DRC8: variants seen among roughly 807,000 people sequenced by gnomAD.
The protein encoded by DRC8 is dynein regulatory complex subunit 8.
At chr1:245,098,796 G>A in the DRC8 span, among the ~76,000 whole-genome samples, 923 of 152,288 alleles carry the variant, frequency 6.1e-3, 6 homozygotes, top group African/African-American at 0.021. Context: ...TAGGGAGGCC[G>A]GGGGTCAAGG....
chr1:245,055,296 T>G, the DRC8 span, among the ~76,000 whole-genome samples: 1 of 152,140 alleles, frequency 6.6e-6, no homozygotes, highest in African/African-American at 2.4e-5. Flanking sequence ...TTTTTAAAAA[T>G]TTATTTTTAT....
chr1:245,086,957 C>A, the DRC8 span: 2 of 527,532 alleles, frequency 3.8e-6, no homozygotes, highest in Admixed American at 2.5e-5. Context: ...TAACCTTGTT[C>A]ATGATGTCTG....
At chr1:245,103,470 G>C in the DRC8 span, among the ~76,000 whole-genome samples, 15 of 978 alleles carry the variant, frequency 0.015, no homozygotes, top group African/African-American at 0.027. Flanking sequence ...GGGGACCAGA[G>C]AGGCCAAGCA....
chr1:245,002,039 A>G, the DRC8 span: 2 of 1,142,054 alleles, frequency 1.8e-6, no homozygotes, highest in Non-Finnish European at 2.6e-6. Context: ...ACCAGGGATG[A>G]TTTATTTTTT....
At chr1:245,116,100 C>T in the DRC8 span, among the ~76,000 whole-genome samples, 2 of 151,956 alleles carry the variant, frequency 1.3e-5, no homozygotes, top group African/African-American at 2.4e-5. Context: ...GTTGGCCAGG[C>T]TGGTCTCGAA....
At chr1:245,017,295 G>C in the DRC8 span, 1 of 1,609,192 alleles carries the variant, frequency 6.2e-7, no homozygotes, top group African/African-American at 1.3e-5. Context: ...TGAAGTCTTT[G>C]ACCATGAGTC....
the DRC8 span, among the ~76,000 whole-genome samples, chr1:245,032,154 G>A: frequency 2.6e-5 from 4 of 152,114 alleles, no homozygotes; most frequent in Admixed American, 6.5e-5. Flanking sequence ...GAGAGGCAGG[G>A]GTGAGAAAGA....
chr1:245,054,761 C>T, the DRC8 span, among the ~76,000 whole-genome samples: 1 of 152,220 alleles, frequency 6.6e-6, no homozygotes, highest in Non-Finnish European at 1.5e-5. Context: ...CAGCCAGATC[C>T]TTCTCCTGCA....
the DRC8 span, among the ~76,000 whole-genome samples, chr1:245,022,149 C>CT: frequency 0.15 from 21,323 of 143,032 alleles, 2,282 homozygotes; most frequent in African/African-American, 0.31. Flanking sequence ...AAAACACAGA[C>CT]TTTTTTTTTT....
the DRC8 span, among the ~76,000 whole-genome samples, chr1:244,977,372 T>C: frequency 2.0e-5 from 3 of 152,156 alleles, no homozygotes; most frequent in African/African-American, 7.2e-5. Flanking sequence ...AAAGGCAATT[T>C]GGAAATTTGT....
chr1:245,121,647 G>A, the DRC8 span, among the ~76,000 whole-genome samples: 821 of 152,286 alleles, frequency 5.4e-3, 6 homozygotes, highest in African/African-American at 0.018. Flanking sequence ...ACCAAAGGCC[G>A]GGCTGGCCTT....
chr1:244,979,405 A>C, the DRC8 span, among the ~76,000 whole-genome samples: 163 of 142,072 alleles, frequency 1.1e-3, 1 homozygote, highest in African/African-American at 3.8e-3. Flanking sequence ...TCCTGGGTTC[A>C]AGCGATTCTT....
At chr1:244,972,795 G>A in the DRC8 span, among the ~76,000 whole-genome samples, 9 of 145,440 alleles carry the variant, frequency 6.2e-5, no homozygotes, top group Non-Finnish European at 1.2e-4. Flanking sequence ...CCAGCCTGGC[G>A]ACAGAGTAAG....
chr1:244,995,360 T>G, the DRC8 span, among the ~76,000 whole-genome samples: 1 of 147,138 alleles, frequency 6.8e-6, no homozygotes, highest in Non-Finnish European at 1.5e-5. Flanking sequence ...AGACTCCATC[T>G]CAAAAAAAAA....
the DRC8 span, among the ~76,000 whole-genome samples, chr1:245,034,781 G>T: frequency 6.7e-6 from 1 of 149,720 alleles, no homozygotes; most frequent in Admixed American, 6.6e-5. Context: ...AAAGAAAGCA[G>T]AAAGGAGAAA....
the DRC8 span, chr1:245,017,196 T>A: frequency 6.4e-7 from 1 of 1,561,780 alleles, no homozygotes; most frequent in Non-Finnish European, 8.6e-7. Flanking sequence ...TTGTTTTGAA[T>A]TCAAAGCTAA....
chr1:245,088,313 A>G, the DRC8 span, among the ~76,000 whole-genome samples: 1 of 29,934 alleles, frequency 3.3e-5, no homozygotes, highest in East Asian at 1.8e-3. This position sits in a 1 kb window ranked among gnomAD's most constrained non-coding sequence, Gnocchi z 4.6. Context: ...CTGTTATAAC[A>G]AGACACACAC....
At chr1:244,977,875 A>G in the DRC8 span, among the ~76,000 whole-genome samples, 1 of 152,194 alleles carries the variant, frequency 6.6e-6, no homozygotes. Context: ...AAATGGTTGT[A>G]TGTCCACTTG....
At chr1:244,997,139 A>T in the DRC8 span, among the ~76,000 whole-genome samples, 1 of 152,214 alleles carries the variant, frequency 6.6e-6, no homozygotes, top group African/African-American at 2.4e-5. Flanking sequence ...TATTTTCAAT[A>T]TACAGTTGAA....
Sources: gnomAD v4.1 joint callset for allele counts (sites outside exome capture counted in the v4.1 genomes callset) on GRCh38, gnomAD v4.1.1 for gene constraint, Gnocchi (gnomAD v3.1) non-coding constraint, MANE v1.5 for transcripts, NCBI Gene and HGNC (gene_info 2026-07-23, HGNC 2026-07-21) for gene names.